BMP1: variants seen among roughly 807,000 people sequenced by gnomAD.
BMP1 encodes mammalian tolloid protein.
A neutral mutation model predicts 116.8 loss-of-function variants in BMP1; 63 were observed. The ratio of observed to expected loss-of-function variants is 0.54; its 90% confidence interval spans 0.44 to 0.67. The LOEUF is 0.67. BMP1 is among the 30% of genes least tolerant of loss of function. The pLI, the probability that BMP1 is intolerant of heterozygous loss-of-function variation, is 0.00. For missense variants in BMP1, 1,183 were observed against 1,358.9 expected, an observed-to-expected ratio of 0.87 and a Z score of 2.04; for synonymous variants, 536 against 533.4, an observed-to-expected ratio of 1.00 and a Z score of -0.07.
rs1828465193 is a variant in BMP1 at position 22,177,116 on chromosome 8, T to C, written c.707T>C (p.Ile236Thr). The C allele has an allele frequency of 6.2e-7, 1 of 1,609,480 alleles. No individual in the cohort carries two copies. The part of the protein sequence containing the change: ...TRPDRDRHVS[I>T]VRENIQPGQE... ...CCAGACCGGGACCGCCACGTTTCCATCGTTCGTGAGAACATCCAGCCAGGT... is the reference window on the plus strand; with the variant it reads ...CCAGACCGGGACCGCCACGTTTCCACCGTTCGTGAGAACATCCAGCCAGGT... Residue 236 changes from isoleucine to threonine, a missense_variant, in exon 5 of 20, where the codon ATC (isoleucine) becomes ACC (threonine). Ile to Thr is a moderately conservative substitution (Grantham distance 89, BLOSUM62 -1). This residue lies in a region of BMP1 where 956 missense variants were observed against 1,135.2 expected (regional missense o/e 0.84). Transcript: ENST00000306385.
rs10098236 is a variant in BMP1, at chr8:22,204,742, C to T, written c.2234-2112C>T. On this transcript the variant is annotated intron_variant, in intron 16 of 19. Transcript: ENST00000306385. Reference sequence around the variant, plus strand: ...TGTCCCCCCCCACCCCGCCCGCCCCCGCAAAAAGAAATTGAGTTGGGGAAG... The same window carrying T: ...TGTCCCCCCCCACCCCGCCCGCCCCTGCAAAAAGAAATTGAGTTGGGGAAG... 1.4e-4 allele frequency among the ~76,000 whole-genome samples: 21 copies of T among 151,310 alleles called. 1 individual carries two copies. The highest frequency in any genetic ancestry group is 1.1e-3 in the Admixed American group (17 of 15,184).
chr8:22,166,037 T>C (rs1828096013), intron 1 of BMP1, among the ~76,000 whole-genome samples: 1 of 151,430 alleles, frequency 6.6e-6, no homozygotes, highest in African/African-American at 2.4e-5. Context: ...GAGGCCTGAG[T>C]CTCCAAGGAG....
chr8:22,208,965 C>T (rs1005172760), intron 18 of BMP1, among the ~76,000 whole-genome samples: 3 of 152,218 alleles, frequency 2.0e-5, no homozygotes, highest in South Asian at 2.1e-4. Context: ...ACCGGAGGCC[C>T]GGAACTCCAT....
intron 5 of BMP1, 77 bp from the exon 6 acceptor site, chr8:22,177,775 C>A: frequency 2.7e-6 from 3 of 1,105,600 alleles, no homozygotes; most frequent in Non-Finnish European, 4.1e-6. Flanking sequence ...CCATTCCCTG[C>A]CCTGGAAAGT....
intron 1 of BMP1, among the ~76,000 whole-genome samples, chr8:22,166,199 C>T (rs536234403): frequency 5.8e-4 from 88 of 152,104 alleles, no homozygotes; most frequent in Non-Finnish European, 1.1e-3. Flanking sequence ...AGAAGCCAAC[C>T]CAGAAGGGGG....
At chr8:22,186,416 G>A (rs1051027676) in intron 8 of BMP1, among the ~76,000 whole-genome samples, 1 of 152,222 alleles carries the variant, frequency 6.6e-6, no homozygotes, top group Admixed American at 6.5e-5. Flanking sequence ...TACTGGCTGT[G>A]TGGTCTTGGG....
At chr8:22,176,065 GA>G in intron 2 of BMP1, 77 bp from the exon 3 acceptor site, 1 of 1,475,802 alleles carries the variant, frequency 6.8e-7, no homozygotes, top group Non-Finnish European at 9.2e-7. Flanking sequence ...CAGAATCCAT[GA>G]AAAATGAGGT....
At chr8:22,196,251 T>C (rs998864184) in intron 13 of BMP1, 1 of 531,554 alleles carries the variant, frequency 1.9e-6, no homozygotes, top group Admixed American at 1.9e-5. Flanking sequence ...CCACGCATGG[T>C]CCCGAGATGC....
At chr8:22,209,317 C>A in intron 18 of BMP1, 128 bp from the exon 19 acceptor site, 1 of 1,455,684 alleles carries the variant, frequency 6.9e-7, no homozygotes, top group Non-Finnish European at 9.2e-7. Flanking sequence ...CCCCCACCCA[C>A]CCATCACTGG....
At position 22,194,418 on chromosome 8, in the gene BMP1, T is replaced by C; in HGVS notation, c.1298-27T>C. 6.2e-7 allele frequency: 1 copy of C among 1,613,240 alleles called. No individual in the cohort carries two copies. Among genetic ancestry groups the C allele is most frequent in the South Asian group, 1.1e-5 (1 of 90,966 alleles). On this transcript the variant is annotated intron_variant, in intron 10 of 19. Coordinates refer to ENST00000306385, the MANE Select transcript of BMP1 (RefSeq NM_006129.5). This position sits in a 1 kb window ranked among gnomAD's most constrained non-coding sequence, Gnocchi z 4.5. Reference sequence around the variant, plus strand: ...GCAAAGCATGCTGACTCACCACCCCTTCCCACCCCATCCTGTGTCCCCACA... The same window carrying C: ...GCAAAGCATGCTGACTCACCACCCCCTCCCACCCCATCCTGTGTCCCCACA...
intron 16 of BMP1, among the ~76,000 whole-genome samples, chr8:22,203,107 C>T (rs1022809660): frequency 6.6e-6 from 1 of 152,210 alleles, no homozygotes; most frequent in Non-Finnish European, 1.5e-5. Context: ...CTCACAGGCC[C>T]GCTCTAAGTC....
At chr8:22,193,820 C>T (rs1288135078) in intron 9 of BMP1, among the ~76,000 whole-genome samples, 2 of 152,212 alleles carry the variant, frequency 1.3e-5, no homozygotes, top group African/African-American at 4.8e-5. Flanking sequence ...AAATAAAGAT[C>T]TACCTTTCCT....
Position 22,192,048 on chromosome 8 carries a change from G to A in BMP1, c.1078-1G>A. 1 of 1,612,834 alleles carries A rather than the reference G, an allele frequency of 6.2e-7. No individual in the cohort carries two copies. The stretch of plus-strand genomic sequence containing the variant: ...ACCCTCTTCCTCCCCTGTTGCCCTA[G>A]ATCATCCTGAACTTCACGTCCCTGG... On this transcript the variant is annotated splice_acceptor_variant, in intron 8 of 19. Transcript: ENST00000306385. LOFTEE classifies it high-confidence loss of function.
intron 8 of BMP1, among the ~76,000 whole-genome samples, chr8:22,183,935 G>T (rs540635570): frequency 6.6e-6 from 1 of 152,304 alleles, no homozygotes; most frequent in African/African-American, 2.4e-5. Context: ...CTATGGGCCA[G>T]ATGCTAACAT....
intron 16 of BMP1, among the ~76,000 whole-genome samples, chr8:22,204,764 G>A (rs1342637227): frequency 6.6e-6 from 1 of 151,122 alleles, no homozygotes. Flanking sequence ...TTGAGTTGGG[G>A]AAGCCATGCT....
chr8:22,196,099 T>C, intron 13 of BMP1: 1 of 471,366 alleles, frequency 2.1e-6, no homozygotes. Context: ...GGGTTTGTTT[T>C]GTTTTTTCAT....
At position 22,176,974 on chromosome 8, in the gene BMP1, G is replaced by A. The variant is rs1179003034; in HGVS notation, c.565G>A (p.Val189Met). ...CCCGCCCTCCAGGTGCTGCTCCTACGTGGGTCGCCGCGGCGGGGGCCCCCA... is the reference window on the plus strand; with the variant it reads ...CCCGCCCTCCAGGTGCTGCTCCTACATGGGTCGCCGCGGCGGGGGCCCCCA... ...TYRPCGCCSY[V>M]GRRGGGPQAI... The change falls in exon 5 of 20, where the codon GTG (valine) becomes ATG (methionine). Residue 189 changes from valine (V) to methionine (M), a missense_variant. This residue lies in a region of BMP1 where 956 missense variants were observed against 1,135.2 expected (regional missense o/e 0.84). Coordinates refer to ENST00000306385, the MANE Select transcript of BMP1 (RefSeq NM_006129.5). 2 of 1,611,028 alleles carry A rather than the reference G, an allele frequency of 1.2e-6. No individual in the cohort carries two copies. Among genetic ancestry groups the A allele is most frequent in the Non-Finnish European group, 1.7e-6 (2 of 1,178,898 alleles).
chr8:22,196,396 C>T (rs956067529), intron 13 of BMP1: 4 of 597,464 alleles, frequency 6.7e-6, no homozygotes, highest in East Asian at 6.1e-5. Context: ...TATTCCCGCT[C>T]ACTCCCTCTT....
intron 1 of BMP1, among the ~76,000 whole-genome samples, chr8:22,166,921 C>T (rs1828130372): frequency 6.6e-6 from 1 of 152,152 alleles, no homozygotes; most frequent in African/African-American, 2.4e-5. Flanking sequence ...CAATCCTGAC[C>T]CTGCTACTCA....
Sources: allele counts gnomAD v4.1 joint callset (sites outside exome capture counted in the v4.1 genomes callset), GRCh38; gene constraint gnomAD v4.1.1; regional missense constraint gnomAD v4.1.1; non-coding constraint Gnocchi (gnomAD v3.1); transcripts MANE v1.5; gene names NCBI Gene and HGNC (gene_info 2026-07-23, HGNC 2026-07-21).